Variants in ARHGEF2 observed in about 807,000 individuals in gnomAD.
The protein encoded by ARHGEF2 is Rho/Rac guanine nucleotide exchange factor 2, also known as rho guanine nucleotide exchange factor 2.
ARHGEF2 carries 22 observed loss-of-function variants against 121.0 expected under a neutral mutation model. The ratio of observed to expected loss-of-function variants is 0.18; its 90% CI spans 0.13 to 0.26. ARHGEF2 has a LOEUF of 0.26. ARHGEF2 is among the 10% of genes least tolerant of loss of function. The pLI is 1.00. For synonymous variants in ARHGEF2, 487 were observed against 530.0 expected, an observed-to-expected ratio of 0.92 and a Z score of 1.11; for missense variants, 907 against 1,336.0, an observed-to-expected ratio of 0.68 and a Z score of 5.01.
At chr1:155,970,858 C>A (rs996414215) in intron 1 of ARHGEF2, 4 of 986,370 alleles carry the variant, frequency 4.1e-6, no homozygotes, top group Non-Finnish European at 3.6e-6. Flanking sequence ...TCCAGGTTTG[C>A]CTGATGATGT....
In ARHGEF2 at chr1:155,962,678, G is replaced by C; in HGVS notation, c.1016C>G (p.Ser339Trp). The C allele has an allele frequency of 6.2e-7, 1 of 1,614,094 alleles. No homozygotes were observed. Among genetic ancestry groups the C allele is most frequent in the Non-Finnish European group, 8.5e-7 (1 of 1,180,024 alleles). The part of the protein sequence containing the change: ...PSAEQMCKTY[S>W]EFCSRHSKAL... ...CTTGCTGTGGCGGCTGCAGAACTCCGAGTAGGTCTTACACATCTGCTCCGC... is the reference window on the plus strand; with the variant it reads ...CTTGCTGTGGCGGCTGCAGAACTCCCAGTAGGTCTTACACATCTGCTCCGC... The change falls in exon 9 of 22, where the codon TCG (serine) becomes TGG (tryptophan). Residue 339 changes from serine (S) to tryptophan (W), a missense_variant. Physicochemically the swap from Ser to Trp is radical, Grantham distance 177 (BLOSUM62 -3). Transcript: ENST00000361247. The surrounding 1 kb of genome is among the most constrained non-coding windows in gnomAD (Gnocchi z 5.8).
At chr1:155,975,740 G>A (rs1458627959) in intron 1 of ARHGEF2, among the ~76,000 whole-genome samples, 2 of 152,152 alleles carry the variant, frequency 1.3e-5, no homozygotes, top group African/African-American at 4.8e-5. Context: ...CCACCACAGA[G>A]ATTCCAAGGG....
chr1:155,958,500 A>T, intron 11 of ARHGEF2, 104 bp from the exon 12 acceptor site: 1 of 850,914 alleles, frequency 1.2e-6, no homozygotes, highest in African/African-American at 1.7e-5. Context: ...TAGAGCTCCC[A>T]GTTTCCCTCT....
Position 155,951,444 on chromosome 1 carries a change from G to T in ARHGEF2, c.2259+39C>A. 6.2e-7 allele frequency: 1 copy of T among 1,612,630 alleles called. No individual in the cohort carries two copies. Among genetic ancestry groups the T allele is most frequent in the African/African-American group, 1.3e-5 (1 of 74,984 alleles). On this transcript the variant is annotated intron_variant, in intron 19 of 21. Transcript: ENST00000361247. This position sits in a 1 kb window ranked among gnomAD's most constrained non-coding sequence, Gnocchi z 5.1. ...CACCTAAACAGGCATCTCTAGCCTGGCTCCTCCCCTTCCCCATTCAAGCCC... is the reference window on the plus strand; with the variant it reads ...CACCTAAACAGGCATCTCTAGCCTGTCTCCTCCCCTTCCCCATTCAAGCCC...
intron 7 of ARHGEF2, 83 bp downstream of exon 7, chr1:155,964,905 A>G (rs1398525284): frequency 5.4e-6 from 8 of 1,480,524 alleles, no homozygotes; most frequent in African/African-American, 4.3e-5. Context: ...AAAAAAAAAA[A>G]AAAAGAAAAA....
intron 2 of ARHGEF2, 75 bp from the exon 3 acceptor site, chr1:155,966,962 C>T: frequency 7.1e-7 from 1 of 1,408,938 alleles, no homozygotes; most frequent in Non-Finnish European, 1.0e-6. Context: ...TGCAGACACC[C>T]ATCTCCTCCT....
intron 1 of ARHGEF2, among the ~76,000 whole-genome samples, chr1:155,977,464 A>G (rs1336121051): frequency 6.6e-6 from 1 of 152,092 alleles, no homozygotes; most frequent in African/African-American, 2.4e-5. Context: ...GACTCATGAA[A>G]TGCTAGGTGA....
intron 1 of ARHGEF2, among the ~76,000 whole-genome samples, chr1:155,974,859 G>A (rs1172799176): frequency 6.6e-6 from 1 of 151,630 alleles, no homozygotes; most frequent in Non-Finnish European, 1.5e-5. Flanking sequence ...GAGAGGGGGG[G>A]TAAGCGATGC....
At chr1:155,966,300 CAAG>C (rs1558037014) in intron 4 of ARHGEF2, 113 bp downstream of exon 4, 2 of 1,016,120 alleles carry the variant, frequency 2.0e-6, no homozygotes, top group South Asian at 2.8e-5. Flanking sequence ...TGCTTCCAAT[CAAG>C]AAGAGGAAGG....
intron 1 of ARHGEF2, chr1:155,969,636 G>A (rs1265891616): frequency 9.6e-6 from 11 of 1,151,512 alleles, no homozygotes; most frequent in African/African-American, 3.2e-5. Flanking sequence ...GCTCACCCCC[G>A]AGCTGCTGTA....
chr1:155,950,720 C>A lies in ARHGEF2; in HGVS notation c.2703+109G>T. On this transcript the variant is annotated intron_variant, in intron 20 of 21. Coordinates refer to ENST00000361247, the MANE Select transcript of ARHGEF2 (RefSeq NM_001162383.2). This position sits in a 1 kb window ranked among gnomAD's most constrained non-coding sequence, Gnocchi z 5.2. ...ACCAGTATCTCAATATCCTTCAAGT[C>A]AGTTGACTGATTGCATTTGGGCTCA... 2 of 1,167,900 alleles carry A rather than the reference C, an allele frequency of 1.7e-6. No individual in the cohort carries two copies. Among genetic ancestry groups the A allele is most frequent in the South Asian group, 3.0e-5 (2 of 66,920 alleles). The allele number at this position is 1,167,900 out of a possible 1,614,324, so 72.3% of individuals were successfully genotyped here.
At position 155,963,116 on chromosome 1, in the gene ARHGEF2, C is replaced by A. The variant is rs1305799203; in HGVS notation, c.792G>T (p.Gly264=). 6 of 1,614,030 alleles carry A rather than the reference C, an allele frequency of 3.7e-6. No individual in the cohort carries two copies. The South Asian group carries it at 5.5e-5, about 15-fold the overall frequency. The part of the protein sequence containing the change: ...LKIMTRLFRT[G]MLEELHLEPG... ...GCTCCAAGTGTAGCTCTTCCAGCAT[C>A]CCCGTGCGGAAGAGGCGGGTCATGA... Residue 264 remains glycine, a synonymous_variant, in exon 8 of 22, where the codon GGG becomes GGT. Coordinates refer to ENST00000361247, the MANE Select transcript of ARHGEF2 (RefSeq NM_001162383.2).
Position 155,962,594 on chromosome 1 carries a change from C to T in ARHGEF2, c.1100G>A (p.Arg367Gln), listed in dbSNP as rs1678196267. Residue 367 changes from arginine to glutamine, a missense_variant and splice_region_variant, in exon 9 of 22, where the codon CGG becomes CAG. By Grantham distance (43) the Arg-to-Gln change is conservative. This residue lies in a region of ARHGEF2 where 475 missense variants were observed against 776.5 expected (regional missense o/e 0.61). Coordinates refer to ENST00000361247, the MANE Select transcript of ARHGEF2 (RefSeq NM_001162383.2). The surrounding 1 kb of genome is among the most constrained non-coding windows in gnomAD (Gnocchi z 5.8). ...TGGGATCTGGAGAGGTCCGCTCACC[C>T]GGATGAATTGCTGGAAGCGTTTGTC... ...ARDKRFQQFI[R>Q]KVTRPAVLKR... 1.2e-6 allele frequency: 2 copies of T among 1,613,322 alleles called. No homozygotes were observed. The highest frequency in any genetic ancestry group is 1.7e-6 in the Non-Finnish European group (2 of 1,179,982).
intron 15 of ARHGEF2, 73 bp from the exon 16 acceptor site, chr1:155,952,308 T>C: frequency 6.3e-7 from 1 of 1,589,944 alleles, no homozygotes; most frequent in Non-Finnish European, 8.6e-7. Flanking sequence ...CACCCCCACA[T>C]GTGGGACACT....
chr1:155,964,169 T>TAC (rs1678734690), intron 7 of ARHGEF2, among the ~76,000 whole-genome samples: 1 of 60,296 alleles, frequency 1.7e-5, no homozygotes, highest in African/African-American at 1.2e-4. Context: ...AAAAAAAAAA[T>TAC]ATATATATAT....
chr1:155,954,163 T>C (rs1213813136), intron 14 of ARHGEF2, among the ~76,000 whole-genome samples: 1 of 151,562 alleles, frequency 6.6e-6, no homozygotes, highest in African/African-American at 2.4e-5. Context: ...AGACAGGGTC[T>C]TGCTATGTAT....
intron 2 of ARHGEF2, chr1:155,968,452 G>A: frequency 6.6e-6 from 1 of 152,194 alleles, no homozygotes; most frequent in East Asian, 1.9e-4. Context: ...TGAGGGAGAG[G>A]GGGCAGCAGG....
At position 155,950,799 on chromosome 1, in the gene ARHGEF2, A is replaced by C; in HGVS notation, c.2703+30T>G. On this transcript the variant is annotated intron_variant, in intron 20 of 21. Transcript: ENST00000361247. This position sits in a 1 kb window ranked among gnomAD's most constrained non-coding sequence, Gnocchi z 5.2. ...CTCCATGGACCCTTATGTCCACCCC[A>C]GGTCCATTCACCACTGCAGGCCACC... 1 of 1,512,352 alleles carries C rather than the reference A, an allele frequency of 6.6e-7. No individual in the cohort carries two copies. The highest frequency in any genetic ancestry group is 8.9e-7 in the Non-Finnish European group (1 of 1,129,644). 93.7% of individuals were successfully genotyped at this position (1,512,352 alleles called of 1,614,324 possible).
chr1:155,957,928 C>G, intron 12 of ARHGEF2, 46 bp from the exon 13 acceptor site: 1 of 1,586,474 alleles, frequency 6.3e-7, no homozygotes, highest in South Asian at 1.2e-5. Context: ...AATCCTGTCC[C>G]TTGGCATATT....
Sources: gnomAD v4.1 joint callset for allele counts (sites outside exome capture counted in the v4.1 genomes callset) on GRCh38, gnomAD v4.1.1 for gene constraint, gnomAD v4.1.1 regional missense constraint, Gnocchi (gnomAD v3.1) non-coding constraint, MANE v1.5 for transcripts, NCBI Gene and HGNC (gene_info 2026-07-23, HGNC 2026-07-21) for gene names.